The following CDC5L variants were observed in gnomAD, a reference collection of about 807,000 sequenced individuals.
CDC5L encodes the protein cell division cycle 5-like protein.
In CDC5L, 18 loss-of-function variants were observed where a neutral mutation model predicts 104.1. That is an observed-to-expected ratio of 0.17 (90% CI 0.12 to 0.26). The LOEUF is 0.26. Among genes scored for constraint, CDC5L ranks in the 10% least tolerant of loss-of-function variants. The pLI, the probability that CDC5L is intolerant of heterozygous loss-of-function variation, is 1.00. For missense variants in CDC5L, 673 were observed against 956.9 expected, an observed-to-expected ratio of 0.70 and a Z score of 3.91; for synonymous variants, 331 against 322.7, an observed-to-expected ratio of 1.03 and a Z score of -0.28.
At position 44,390,291 on chromosome 6, in the gene CDC5L, A is replaced by T; in HGVS notation, c.69A>T (p.Val23=). 1.2e-6 allele frequency: 2 copies of T among 1,613,094 alleles called. No individual in the cohort carries two copies. Among genetic ancestry groups the T allele is most frequent in the Non-Finnish European group, 1.7e-6 (2 of 1,179,226 alleles). Residue 23 remains valine, a synonymous_variant, in exon 2 of 16, where the codon GTA becomes GTT. Transcript: ENST00000371477. ...NTEDEILKAA[V]MKYGKNQWSR... The stretch of plus-strand genomic sequence containing the variant: ...AGGATGAAATTCTGAAAGCAGCGGT[A>T]ATGAAATATGGGAAAAATCAGTGGT...
chr6:44,387,902 C>G (rs758609571), intron 1 of CDC5L, 34 bp downstream of exon 1: 1 of 1,552,076 alleles, frequency 6.4e-7, no homozygotes. Context: ...CGCTGCCCGC[C>G]GCTCCCTCTA....
At chr6:44,431,360 A>C (rs977867687) in intron 14 of CDC5L, among the ~76,000 whole-genome samples, 4 of 152,200 alleles carry the variant, frequency 2.6e-5, no homozygotes, top group African/African-American at 9.7e-5. Context: ...CAGGGAAAAT[A>C]GAACATCAGT....
At chr6:44,430,161 C>G (rs1244827930) in intron 14 of CDC5L, among the ~76,000 whole-genome samples, 1 of 151,156 alleles carries the variant, frequency 6.6e-6, no homozygotes, top group African/African-American at 2.4e-5. Context: ...GCAAGTTGAC[C>G]AGAGGTCAAT....
intron 4 of CDC5L, among the ~76,000 whole-genome samples, chr6:44,394,085 A>C (rs972753920): frequency 2.0e-5 from 3 of 152,150 alleles, no homozygotes; most frequent in Non-Finnish European, 2.9e-5. Flanking sequence ...TCTTCAATTC[A>C]GTTAATTAAG....
In CDC5L at chr6:44,443,608, A is replaced by T. The variant is rs549620008; in HGVS notation, c.2092-2047A>T. On this transcript the variant is annotated intron_variant, in intron 14 of 15. Transcript: ENST00000371477. ...GTTTACTGATCCTTTCATCTGCTTG[A>T]TCTAGTCTGCTGTCAAACCCCTATA... Among the ~76,000 whole-genome samples the T allele has an allele frequency of 7.4e-5, 11 of 147,980 alleles. No individual in the cohort carries two copies. In the East Asian group the frequency reaches 2.2e-3, roughly 29 times the overall value.
chr6:44,412,780 T>TC (rs1791707085), intron 8 of CDC5L, among the ~76,000 whole-genome samples: 1 of 69,758 alleles, frequency 1.4e-5, no homozygotes, highest in South Asian at 6.2e-4. Context: ...TAGAATAATT[T>TC]CTTTTTTTTT....
At chr6:44,434,156 C>T (rs1037016960) in intron 14 of CDC5L, among the ~76,000 whole-genome samples, 2 of 152,214 alleles carry the variant, frequency 1.3e-5, no homozygotes, top group Non-Finnish European at 2.9e-5. Flanking sequence ...CATCCTGATA[C>T]AACCAGGTTG....
rs776178620 is a variant in CDC5L, at chr6:44,446,597, T to C, written c.2305-10T>C. On this transcript the variant is annotated splice_polypyrimidine_tract_variant and intron_variant, in intron 15 of 15. Transcript: ENST00000371477. ...CATCTAAAATAATTACTTAATTTTT[T>C]TTCTTTAAGTGTCTAAAAGAAGACG... The C allele has an allele frequency of 4.7e-5, 66 of 1,391,062 alleles. No homozygotes were observed. Among genetic ancestry groups the C allele is most frequent in the Non-Finnish European group, 6.3e-5 (64 of 1,011,358 alleles). The allele number at this position is 1,391,062 out of a possible 1,614,324, so 86.2% of individuals were successfully genotyped here.
intron 14 of CDC5L, 135 bp from the exon 15 acceptor site, chr6:44,445,520 G>A (rs1793407682): frequency 1.6e-6 from 1 of 620,160 alleles, no homozygotes; most frequent in Non-Finnish European, 2.9e-6. Flanking sequence ...TTTTGTTACA[G>A]TAATTGAGCT....
chr6:44,404,701 A>AT (rs550683750), intron 6 of CDC5L, among the ~76,000 whole-genome samples: 27 of 148,614 alleles, frequency 1.8e-4, no homozygotes, highest in East Asian at 7.9e-4. Flanking sequence ...TTAAAAAACA[A>AT]TTTTTTTTTT....
At chr6:44,391,774 A>G (rs908314689) in intron 2 of CDC5L, among the ~76,000 whole-genome samples, 3 of 152,082 alleles carry the variant, frequency 2.0e-5, no homozygotes, top group Non-Finnish European at 4.4e-5. Context: ...TCGGGAGGCC[A>G]AGGCTGGGAT....
intron 14 of CDC5L, among the ~76,000 whole-genome samples, chr6:44,432,708 TA>T (rs1792741417): frequency 6.6e-6 from 1 of 152,210 alleles, no homozygotes; most frequent in Non-Finnish European, 1.5e-5. Flanking sequence ...GTTTGTTAAA[TA>T]AATAGAATCA....
chr6:44,415,889 G>T (rs1377697063), intron 8 of CDC5L, among the ~76,000 whole-genome samples: 1 of 152,180 alleles, frequency 6.6e-6, no homozygotes, highest in African/African-American at 2.4e-5. Flanking sequence ...ATGATTGGTT[G>T]AAGCCCTTTG....
intron 14 of CDC5L, among the ~76,000 whole-genome samples, chr6:44,432,490 C>T (rs1237026276): frequency 6.6e-6 from 1 of 151,694 alleles, no homozygotes; most frequent in Non-Finnish European, 1.5e-5. Flanking sequence ...TGAAGTCCAG[C>T]TTTGTCGTGG....
chr6:44,418,695 G>A (rs1346266045), intron 8 of CDC5L, among the ~76,000 whole-genome samples: 2 of 152,150 alleles, frequency 1.3e-5, no homozygotes, highest in Non-Finnish European at 2.9e-5. Context: ...TCTAACTGGT[G>A]TGAGATGGTA....
At chr6:44,435,701 A>AG (rs1792901453) in intron 14 of CDC5L, 3 of 151,718 alleles carry the variant, frequency 2.0e-5, no homozygotes, top group Non-Finnish European at 4.4e-5. Context: ...AAAGCCACTC[A>AG]GTGATGATGC....
chr6:44,412,374 G>A (rs916786020), intron 8 of CDC5L, among the ~76,000 whole-genome samples: 4 of 151,368 alleles, frequency 2.6e-5, no homozygotes, highest in Non-Finnish European at 5.9e-5. Flanking sequence ...GCATGATCAC[G>A]GCCACTGTGC....
At chr6:44,414,206 A>G (rs1053885321) in intron 8 of CDC5L, among the ~76,000 whole-genome samples, 2 of 151,998 alleles carry the variant, frequency 1.3e-5, no homozygotes, top group African/African-American at 4.8e-5. Flanking sequence ...CAGCCTCTCA[A>G]GTTGCTGGGA....
intron 5 of CDC5L, among the ~76,000 whole-genome samples, chr6:44,400,895 G>A (rs1252513633): frequency 6.6e-6 from 1 of 152,198 alleles, no homozygotes; most frequent in Non-Finnish European, 1.5e-5. Context: ...ACTACAAAGT[G>A]ATCCAGTCAA....
Sources: allele counts gnomAD v4.1 joint callset (sites outside exome capture counted in the v4.1 genomes callset), GRCh38; gene constraint gnomAD v4.1.1; transcripts MANE v1.5; gene names NCBI Gene and HGNC (gene_info 2026-07-23, HGNC 2026-07-21).